The following CUL3 variants were observed in gnomAD, a reference collection of about 807,000 sequenced individuals.
The protein encoded by CUL3 is cullin-3.
A neutral mutation model predicts 89.1 loss-of-function variants in CUL3; 19 were observed. The ratio of observed to expected loss-of-function variants is 0.21; its 90% CI spans 0.15 to 0.31. CUL3 has a LOEUF of 0.31. Ranked by LOEUF, CUL3 falls within the 10% of genes least tolerant of loss-of-function variation. The pLI is 1.00. For synonymous variants in CUL3, 351 were observed against 308.4 expected (o/e 1.14, Z -1.45); for missense variants, 469 against 942.3 (o/e 0.50, Z 6.58).
chr2:224,535,418 C>T (rs982127838), intron 3 of CUL3, 110 bp downstream of exon 3: 1 of 641,910 alleles, frequency 1.6e-6, no homozygotes, highest in East Asian at 3.1e-5. Context: ...GATATGCCCA[C>T]CTTGGCCTCC....
intron 1 of CUL3, among the ~76,000 whole-genome samples, chr2:224,580,906 GT>G (rs1695420536): frequency 6.7e-6 from 1 of 149,732 alleles, no homozygotes; most frequent in Non-Finnish European, 1.5e-5. Flanking sequence ...TAAGACAAGA[GT>G]CTTGCTCTAA....
intron 2 of CUL3, among the ~76,000 whole-genome samples, chr2:224,538,994 C>T (rs1693991579): frequency 6.6e-6 from 1 of 151,170 alleles, no homozygotes; most frequent in Non-Finnish European, 1.5e-5. Context: ...CAGCAAGATC[C>T]TATCTCTAAA....
chr2:224,499,113 G>A (rs1366183742), intron 11 of CUL3, among the ~76,000 whole-genome samples: 3 of 152,144 alleles, frequency 2.0e-5, no homozygotes, highest in African/African-American at 4.8e-5. Context: ...TACAACCCAC[G>A]TCAAGTTTTT....
rs2106304149 is a variant in CUL3 at position 224,557,678 on chromosome 2, G to C, written c.245C>G (p.Thr82Ser). ...TGATACCTTATTTATGAGATGTTCG[G>C]TAACAACTTCTCTTAGTCCAGTGTA... Reference protein sequence around the residue: ...KLYTGLREVVTEHLINKVRED... With the variant: ...KLYTGLREVVSEHLINKVRED... The change falls in exon 2 of 16, where the codon ACC becomes AGC. Residue 82 changes from threonine (T) to serine (S), a missense_variant. Coordinates refer to ENST00000264414, the MANE Select transcript of CUL3 (RefSeq NM_003590.5). 6.2e-7 allele frequency: 1 copy of C among 1,609,952 alleles called. No individual in the cohort carries two copies. The highest frequency in any genetic ancestry group is 8.5e-7 in the Non-Finnish European group (1 of 1,177,488).
intron 2 of CUL3, 29 bp from the exon 3 acceptor site, chr2:224,535,670 ACACACACATC>A: frequency 7.3e-7 from 1 of 1,378,130 alleles, no homozygotes; most frequent in South Asian, 1.2e-5. Flanking sequence ...ATTAGTTTGC[ACACACACATC>A]CACACACTCG....
chr2:224,516,239 C>T (rs1693039673), intron 3 of CUL3, among the ~76,000 whole-genome samples: 1 of 151,726 alleles, frequency 6.6e-6, no homozygotes, highest in Non-Finnish European at 1.5e-5. Context: ...TGACTTTGAA[C>T]TTCTTGGACT....
intron 1 of CUL3, among the ~76,000 whole-genome samples, chr2:224,568,087 CCTTTT>C (rs1231634320): frequency 2.6e-5 from 4 of 152,134 alleles, no homozygotes; most frequent in African/African-American, 9.7e-5. Context: ...CTTTGCTTTG[CCTTTT>C]CTTTATCTGA....
intron 1 of CUL3, among the ~76,000 whole-genome samples, chr2:224,581,151 C>CT (rs1313191301): frequency 4.6e-5 from 7 of 152,196 alleles, no homozygotes; most frequent in Non-Finnish European, 8.8e-5. Flanking sequence ...AATCCCAGCA[C>CT]TTTGAGAGGC....
chr2:224,497,381 TTAGAAA>T (rs1163909111), intron 12 of CUL3, among the ~76,000 whole-genome samples: 1 of 152,166 alleles, frequency 6.6e-6, no homozygotes, highest in African/African-American at 2.4e-5. Context: ...TCTTGATTTA[TTAGAAA>T]TAAAGATTAT....
At chr2:224,573,894 A>C (rs1695242253) in intron 1 of CUL3, among the ~76,000 whole-genome samples, 1 of 152,246 alleles carries the variant, frequency 6.6e-6, no homozygotes, top group Non-Finnish European at 1.5e-5. Flanking sequence ...ACAGCCTACC[A>C]CAAGTCAGAC....
chr2:224,498,139 A>G (rs1692237631), intron 11 of CUL3, among the ~76,000 whole-genome samples: 1 of 152,182 alleles, frequency 6.6e-6, no homozygotes, highest in Admixed American at 6.5e-5. Flanking sequence ...GCTGTTCTTA[A>G]GACCACCTTT....
intron 3 of CUL3, among the ~76,000 whole-genome samples, chr2:224,534,917 C>T (rs1693827109): frequency 6.6e-6 from 1 of 151,782 alleles, no homozygotes; most frequent in Middle Eastern, 3.4e-3. Flanking sequence ...AGGAGAATGG[C>T]GTGAACCCGG....
intron 1 of CUL3, among the ~76,000 whole-genome samples, chr2:224,582,320 C>G (rs1021823479): frequency 6.6e-6 from 1 of 152,140 alleles, no homozygotes; most frequent in African/African-American, 2.4e-5. Context: ...TAGCAACTCA[C>G]GCAGTCTGTA....
intron 2 of CUL3, 114 bp downstream of exon 2, chr2:224,557,545 T>C (rs1694751516): frequency 1.5e-6 from 1 of 650,566 alleles, no homozygotes; most frequent in Admixed American, 3.3e-5. Flanking sequence ...AATTAGTAAT[T>C]TCTATAGGCT....
intron 1 of CUL3, among the ~76,000 whole-genome samples, chr2:224,566,639 C>T (rs1695046899): frequency 6.6e-6 from 1 of 152,220 alleles, no homozygotes; most frequent in Non-Finnish European, 1.5e-5. Flanking sequence ...ATTACCTTGA[C>T]ATTTTTTAAG....
At chr2:224,525,151 A>T (rs981328757) in intron 3 of CUL3, among the ~76,000 whole-genome samples, 18 of 152,322 alleles carry the variant, frequency 1.2e-4, no homozygotes, top group Non-Finnish European at 1.6e-4. Flanking sequence ...ATATGGAACA[A>T]GTGATACACC....
chr2:224,530,163 C>T (rs959709093), intron 3 of CUL3, among the ~76,000 whole-genome samples: 4 of 152,060 alleles, frequency 2.6e-5, no homozygotes, highest in African/African-American at 9.7e-5. Flanking sequence ...GGCGTGAACC[C>T]GGAAGGCAGA....
intron 2 of CUL3, among the ~76,000 whole-genome samples, chr2:224,537,155 C>T (rs570346331): frequency 3.9e-5 from 6 of 152,200 alleles, no homozygotes; most frequent in African/African-American, 1.2e-4. Flanking sequence ...ATTATAAATA[C>T]ACATAAATAA....
intron 3 of CUL3, chr2:224,532,916 A>G (rs1693746194): frequency 6.6e-6 from 1 of 152,266 alleles, no homozygotes; most frequent in Non-Finnish European, 1.5e-5. Context: ...AAAGAAAAAC[A>G]TAAAAGGGGA....
Sources: gnomAD v4.1 joint callset for allele counts (sites outside exome capture counted in the v4.1 genomes callset) on GRCh38, gnomAD v4.1.1 for gene constraint, MANE v1.5 for transcripts, NCBI Gene and HGNC (gene_info 2026-07-23, HGNC 2026-07-21) for gene names.